XPO6: variants seen among roughly 807,000 people sequenced by gnomAD.
XPO6 encodes exportin 6, also known as exportin-6.
In XPO6, 3 loss-of-function variants were observed where a neutral mutation model predicts 130.0. The ratio of observed to expected loss-of-function variants is 0.02; its 90% confidence interval spans 0.01 to 0.06. The LOEUF is 0.06. Ranked by LOEUF, XPO6 falls within the 10% of genes least tolerant of loss-of-function variation. The pLI is 1.00. For missense variants in XPO6, 970 were observed against 1,393.0 expected (o/e 0.70, Z 4.83); for synonymous variants, 524 against 548.9 (o/e 0.95, Z 0.63).
At position 28,107,680 on chromosome 16, in the gene XPO6, G is replaced by A. The variant is rs373018105; in HGVS notation, c.2342-3C>T. The stretch of plus-strand genomic sequence containing the variant: ...TGTCTGGTGGATAATCAGTTTGGCT[G>A]CAAATCAAGATGAGTTGCAGGTTAT... On this transcript the variant is annotated splice_region_variant and splice_polypyrimidine_tract_variant and intron_variant, in intron 17 of 23. Coordinates refer to ENST00000304658, the MANE Select transcript of XPO6 (RefSeq NM_015171.4). 184 of 1,613,572 alleles carry A rather than the reference G, an allele frequency of 1.1e-4. 2 individuals carry two copies. In the East Asian group the frequency reaches 2.7e-3, roughly 24 times the overall value.
At position 28,117,296 on chromosome 16, in the gene XPO6, G is replaced by A. The variant is rs1232414142; in HGVS notation, c.2004+22C>T. On this transcript the variant is annotated intron_variant, in intron 15 of 23. Transcript: ENST00000304658. ...AGAGACAGAGAGTTAGATAAAAGGTGTAGGCTTTGCTGTTTCGAGACCTTG... is the reference window on the plus strand; with the variant it reads ...AGAGACAGAGAGTTAGATAAAAGGTATAGGCTTTGCTGTTTCGAGACCTTG... 4 of 1,612,982 alleles carry A rather than the reference G, an allele frequency of 2.5e-6. No individual in the cohort carries two copies. The Admixed American group carries it at 5.0e-5, about 20-fold the overall frequency.
intron 14 of XPO6, 90 bp from the exon 15 acceptor site, chr16:28,117,552 C>T: frequency 6.8e-7 from 1 of 1,464,452 alleles, no homozygotes; most frequent in Non-Finnish European, 9.3e-7. Flanking sequence ...AGAATTGCAT[C>T]CACTGCATTT....
intron 1 of XPO6, among the ~76,000 whole-genome samples, chr16:28,199,106 C>T (rs1241380858): frequency 1.3e-5 from 2 of 152,034 alleles, no homozygotes; most frequent in East Asian, 3.9e-4. Context: ...TGCCATTGCA[C>T]TACAGCCTGG....
chr16:28,156,776 G>A (rs1027455848), intron 6 of XPO6, among the ~76,000 whole-genome samples: 1 of 152,124 alleles, frequency 6.6e-6, no homozygotes, highest in Non-Finnish European at 1.5e-5. Flanking sequence ...AATCTTTAGT[G>A]TTTTGACTCA....
chr16:28,098,126 G>A lies in XPO6; in HGVS notation c.*412C>T, dbSNP rs1020683735. On this transcript the variant is annotated 3_prime_UTR_variant, in exon 24 of 24. Coordinates refer to ENST00000304658, the MANE Select transcript of XPO6 (RefSeq NM_015171.4). Reference sequence around the variant, plus strand: ...AGATCTCAAGGCAATTGGGGCGGGGGAGGCTTGACAGAAGTGCCAGAGCAG... The same window carrying A: ...AGATCTCAAGGCAATTGGGGCGGGGAAGGCTTGACAGAAGTGCCAGAGCAG... 3.6e-5 allele frequency: 6 copies of A among 165,978 alleles called. No individual in the cohort carries two copies. The highest frequency in any genetic ancestry group is 6.4e-5 in the Admixed American group (1 of 15,706). The allele number at this position is 165,978 out of a possible 1,614,324, so 10.3% of individuals were successfully genotyped here. A position where few individuals can be genotyped will look rare whatever the true frequency, so the allele number is the denominator to read the frequency against.
chr16:28,198,797 A>AT (rs1166204878), intron 1 of XPO6, among the ~76,000 whole-genome samples: 5 of 152,190 alleles, frequency 3.3e-5, no homozygotes, highest in African/African-American at 1.2e-4. Flanking sequence ...TCCCTATACT[A>AT]TTTCTGCAAC....
rs760300879 is a variant in XPO6 at position 28,180,970 on chromosome 16, C to T, written c.65G>A (p.Cys22Tyr). Reference protein sequence around the residue: ...ESLMTEFFHDCTTNERKREIE... With the variant: ...ESLMTEFFHDYTTNERKREIE... ...CTCACGTTTTCTTTCATTGGTTGTA[C>T]AATCGTGAAAAAATTCTGTCATCAG... The change falls in exon 2 of 24, where the codon TGT becomes TAT. Residue 22 changes from cysteine (C) to tyrosine (Y), a missense_variant. Physicochemically the swap from Cys to Tyr is radical, Grantham distance 194. Coordinates refer to ENST00000304658, the MANE Select transcript of XPO6 (RefSeq NM_015171.4). 1 of 1,613,630 alleles carries T rather than the reference C, an allele frequency of 6.2e-7. No individual in the cohort carries two copies. The highest frequency in any genetic ancestry group is 1.1e-5 in the South Asian group (1 of 91,002).
intron 1 of XPO6, among the ~76,000 whole-genome samples, chr16:28,185,783 G>A (rs955689181): frequency 2.0e-5 from 3 of 152,194 alleles, no homozygotes; most frequent in African/African-American, 4.8e-5. Context: ...TTCCCCAAGA[G>A]TTACTTGGCT....
intron 1 of XPO6, among the ~76,000 whole-genome samples, chr16:28,202,979 G>A (rs1472945907): frequency 6.6e-6 from 1 of 152,190 alleles, no homozygotes; most frequent in Non-Finnish European, 1.5e-5. Flanking sequence ...AAGTGGTAAA[G>A]ACAAAAAGTC....
intron 6 of XPO6, among the ~76,000 whole-genome samples, chr16:28,161,730 A>G (rs2043281947): frequency 6.6e-6 from 1 of 152,178 alleles, no homozygotes; most frequent in Non-Finnish European, 1.5e-5. Flanking sequence ...ACCCATATTT[A>G]CAGACCATTA....
Position 28,101,070 on chromosome 16 carries a change from G to C in XPO6, c.3276+388C>G, listed in dbSNP as rs149397503. The C allele has an allele frequency of 9.5e-4, 312 of 327,562 alleles. No individual in the cohort carries two copies. The highest frequency in any genetic ancestry group is 6.2e-3 in the African/African-American group (288 of 46,534). 20.3% of individuals were successfully genotyped at this position (327,562 alleles called of 1,614,324 possible). On this transcript the variant is annotated intron_variant, in intron 23 of 23. Transcript: ENST00000304658. The surrounding 1 kb of genome is among the most constrained non-coding windows in gnomAD (Gnocchi z 5.4). Reference sequence around the variant, plus strand: ...GGGGACCCAGAAGTGCAGCTCCCAAGCACCAACCATCTCAGCCTGAATGCA... The same window carrying C: ...GGGGACCCAGAAGTGCAGCTCCCAACCACCAACCATCTCAGCCTGAATGCA...
At chr16:28,124,026 C>T (rs1187281767) in intron 13 of XPO6, among the ~76,000 whole-genome samples, 2 of 151,320 alleles carry the variant, frequency 1.3e-5, no homozygotes, top group Admixed American at 1.3e-4. Context: ...GACATCATCT[C>T]ACTACAAAGT....
rs761155498 is a variant in XPO6, at chr16:28,111,959, C to T, written c.2199G>A (p.Pro733=). Residue 733 remains proline, a synonymous_variant, in exon 17 of 24, where the codon CCG becomes CCA. Coordinates refer to ENST00000304658, the MANE Select transcript of XPO6 (RefSeq NM_015171.4). ...CRALSNILLL[P]WPNLPENEQQ... is the part of the protein sequence containing the mutation. ...GCTCATTCTCTGGAAGGTTTGGCCACGGAAGCAGCAAGATGTTAGAGAGGG... is the reference window on the plus strand; with the variant it reads ...GCTCATTCTCTGGAAGGTTTGGCCATGGAAGCAGCAAGATGTTAGAGAGGG... 19 of 1,613,878 alleles carry T rather than the reference C, an allele frequency of 1.2e-5. No homozygotes were observed. The highest frequency in any genetic ancestry group is 1.5e-5 in the Non-Finnish European group (18 of 1,179,966).
At chr16:28,155,964 G>A (rs527689566) in intron 7 of XPO6, 110 bp downstream of exon 7, 4 of 1,466,292 alleles carry the variant, frequency 2.7e-6, no homozygotes, top group Admixed American at 2.7e-5. Context: ...TCCTCACCAG[G>A]AGCCCCATAT....
chr16:28,169,132 G>C (rs2043409589), intron 5 of XPO6, among the ~76,000 whole-genome samples: 1 of 152,190 alleles, frequency 6.6e-6, no homozygotes, highest in Admixed American at 6.5e-5. Flanking sequence ...TTGCATACAT[G>C]TCTCCCTAGC....
chr16:28,197,513 G>A (rs781039165), intron 1 of XPO6, among the ~76,000 whole-genome samples: 1 of 152,056 alleles, frequency 6.6e-6, no homozygotes, highest in South Asian at 2.1e-4. Flanking sequence ...TTAAATTAGC[G>A]ACAATTTTCT....
chr16:28,162,637 C>T (rs1401470715), intron 6 of XPO6, among the ~76,000 whole-genome samples: 1 of 151,174 alleles, frequency 6.6e-6, no homozygotes, highest in Non-Finnish European at 1.5e-5. Flanking sequence ...TCATGGCTCA[C>T]TGCAGCCTCA....
intron 18 of XPO6, among the ~76,000 whole-genome samples, chr16:28,107,008 C>T (rs114585037): frequency 6.6e-6 from 1 of 152,224 alleles, no homozygotes; most frequent in Admixed American, 6.5e-5. Flanking sequence ...AGTTTCACTT[C>T]CAGATCTCAA....
chr16:28,166,370 G>T, intron 6 of XPO6, 138 bp downstream of exon 6: 1 of 774,618 alleles, frequency 1.3e-6, no homozygotes. Flanking sequence ...TGTTGCCCAG[G>T]CTGGTCTCAA....
Sources: allele counts gnomAD v4.1 joint callset (sites outside exome capture counted in the v4.1 genomes callset), GRCh38; gene constraint gnomAD v4.1.1; non-coding constraint Gnocchi (gnomAD v3.1); transcripts MANE v1.5; gene names NCBI Gene and HGNC (gene_info 2026-07-23, HGNC 2026-07-21).